Variants in SNTG1 observed in about 807,000 individuals in gnomAD.
SNTG1 encodes the protein syntrophin gamma 1, also known as gamma-1-syntrophin.
Under a neutral mutation model 74.7 loss-of-function variants are expected in SNTG1, and 39 were observed. The observed-to-expected ratio is 0.52, with a 90% confidence interval of 0.40 to 0.68. SNTG1 has a LOEUF of 0.68. Among genes scored for constraint, SNTG1 ranks in the 30% least tolerant of loss-of-function variants. The pLI, the probability that SNTG1 is intolerant of heterozygous loss-of-function variation, is 0.00. For missense variants in SNTG1, 685 were observed against 609.5 expected, an observed-to-expected ratio of 1.12 and a Z score of -1.30; for synonymous variants, 254 against 217.1, an observed-to-expected ratio of 1.17 and a Z score of -1.49.
chr8:50,090,210 G>C (rs186948838), intron 1 of SNTG1, among the ~76,000 whole-genome samples: 292 of 152,162 alleles, frequency 1.9e-3, no homozygotes, highest in African/African-American at 6.7e-3. Context: ...TATTACTCAG[G>C]CTGTTTCACT....
chr8:50,692,820 TTTTG>T (rs2095387511), intron 15 of SNTG1, among the ~76,000 whole-genome samples: 1 of 152,178 alleles, frequency 6.6e-6, no homozygotes, highest in South Asian at 2.1e-4. Context: ...ACTGCTGTCT[TTTTG>T]TTTGTTTGTG....
chr8:50,704,112 CG>C (rs1365851465), intron 15 of SNTG1, among the ~76,000 whole-genome samples: 1 of 141,920 alleles, frequency 7.0e-6, no homozygotes, highest in Non-Finnish European at 1.5e-5. Context: ...GTAAATAATG[CG>C]TTTTTTTTTA....
chr8:50,395,978 C>T (rs1412310916), intron 3 of SNTG1, among the ~76,000 whole-genome samples: 1 of 152,150 alleles, frequency 6.6e-6, no homozygotes, highest in Non-Finnish European at 1.5e-5. Context: ...ACAGATTGGA[C>T]AGTGGTCAAA....
intron 1 of SNTG1, among the ~76,000 whole-genome samples, chr8:50,102,835 G>T (rs953678439): frequency 6.7e-6 from 1 of 149,006 alleles, no homozygotes; most frequent in Non-Finnish European, 1.5e-5. Context: ...CCCATTGCTT[G>T]TTTTTGTCAG....
chr8:50,030,969 A>G (rs1817696365), intron 1 of SNTG1, among the ~76,000 whole-genome samples: 1 of 151,924 alleles, frequency 6.6e-6, no homozygotes, highest in Admixed American at 6.6e-5. Context: ...TAATCCATGG[A>G]TGTGGCATTT....
At chr8:50,509,170 A>C (rs1256740967) in intron 9 of SNTG1, among the ~76,000 whole-genome samples, 1 of 152,180 alleles carries the variant, frequency 6.6e-6, no homozygotes, top group Non-Finnish European at 1.5e-5. Context: ...CCATTTATTA[A>C]ATAGGGAATC....
At chr8:50,674,220 G>T (rs1354150271) in intron 15 of SNTG1, among the ~76,000 whole-genome samples, 2 of 151,568 alleles carry the variant, frequency 1.3e-5, no homozygotes, top group African/African-American at 2.4e-5. Flanking sequence ...CCCTCCTTTT[G>T]GATTGTTTGG....
intron 1 of SNTG1, among the ~76,000 whole-genome samples, chr8:49,967,524 TG>T (rs1811254773): frequency 6.6e-6 from 1 of 152,204 alleles, no homozygotes; most frequent in Non-Finnish European, 1.5e-5. Flanking sequence ...CATTGATTTT[TG>T]TTCTCAATTT....
chr8:50,610,920 G>T (rs2094845222), intron 13 of SNTG1, among the ~76,000 whole-genome samples: 1 of 151,928 alleles, frequency 6.6e-6, no homozygotes, highest in South Asian at 2.1e-4. Context: ...TGTTTTATGT[G>T]ATTAGGATTT....
intron 13 of SNTG1, among the ~76,000 whole-genome samples, chr8:50,643,277 G>A (rs1049731752): frequency 6.6e-6 from 1 of 152,070 alleles, no homozygotes; most frequent in African/African-American, 2.4e-5. Flanking sequence ...TTTCCTGATT[G>A]CCACTCTCCA....
intron 2 of SNTG1, among the ~76,000 whole-genome samples, chr8:50,261,364 G>A (rs1473806015): frequency 6.6e-6 from 1 of 152,098 alleles, no homozygotes; most frequent in Non-Finnish European, 1.5e-5. Flanking sequence ...AAAAATTGTG[G>A]ATATTGTTGT....
At chr8:50,036,162 T>C (rs146781119) in intron 1 of SNTG1, among the ~76,000 whole-genome samples, 1 of 152,196 alleles carries the variant, frequency 6.6e-6, no homozygotes, top group Non-Finnish European at 1.5e-5. Flanking sequence ...AGAATATGCA[T>C]TGAATGTGTT....
At chr8:50,631,340 T>G (rs1280961034) in intron 13 of SNTG1, among the ~76,000 whole-genome samples, 1 of 152,182 alleles carries the variant, frequency 6.6e-6, no homozygotes, top group East Asian at 1.9e-4. Context: ...ATGCAACAAT[T>G]TTTGGAACAC....
intron 2 of SNTG1, among the ~76,000 whole-genome samples, chr8:50,362,154 C>G (rs1008077552): frequency 2.0e-5 from 3 of 152,048 alleles, no homozygotes; most frequent in African/African-American, 7.2e-5. Context: ...ATTTTGTAAG[C>G]CAGGGAAGGG....
At position 49,941,531 on chromosome 8, in the gene SNTG1, TTATA is replaced by T. The variant is rs34245758; in HGVS notation, c.-103+29314_-103+29317del. On this transcript the variant is annotated intron_variant, in intron 1 of 18. Coordinates refer to ENST00000642720, the MANE Select transcript of SNTG1 (RefSeq NM_018967.5). ...ATATATTATATATTTACATTAACTT[TTATA>T]TATATATATATATGCATATTTGAAA... Among the ~76,000 whole-genome samples, 98 of 146,962 alleles carry T rather than the reference TTATA, an allele frequency of 6.7e-4. 1 individual carries two copies. Among genetic ancestry groups the T allele is most frequent in the South Asian group, 3.0e-3 (14 of 4,740 alleles).
At chr8:50,689,830 C>A (rs1044321281) in intron 15 of SNTG1, among the ~76,000 whole-genome samples, 1 of 152,164 alleles carries the variant, frequency 6.6e-6, no homozygotes, top group Non-Finnish European at 1.5e-5. Context: ...ATGGTACCAG[C>A]TCCTCTTTGT....
chr8:50,344,550 C>A (rs534959084), intron 2 of SNTG1, among the ~76,000 whole-genome samples: 1 of 152,190 alleles, frequency 6.6e-6, no homozygotes, highest in African/African-American at 2.4e-5. Context: ...AGAAATATTA[C>A]TGTGGTCATT....
At chr8:50,727,371 G>A (rs1011169674) in intron 17 of SNTG1, among the ~76,000 whole-genome samples, 6 of 152,098 alleles carry the variant, frequency 3.9e-5, no homozygotes, top group African/African-American at 7.2e-5. Flanking sequence ...ATTGGGTTCC[G>A]TTAAGAGTTT....
intron 4 of SNTG1, among the ~76,000 whole-genome samples, chr8:50,432,674 A>G (rs999263219): frequency 6.6e-5 from 10 of 152,048 alleles, no homozygotes; most frequent in African/African-American, 2.2e-4. Context: ...TGTTTTGAAC[A>G]TATTTGTTTT....
Sources: allele counts gnomAD v4.1 joint callset (sites outside exome capture counted in the v4.1 genomes callset), GRCh38; gene constraint gnomAD v4.1.1; transcripts MANE v1.5; gene names NCBI Gene and HGNC (gene_info 2026-07-23, HGNC 2026-07-21).